Variants in MOSPD1 observed in about 807,000 individuals in gnomAD.
MOSPD1 encodes the protein motile sperm domain containing 1, also known as motile sperm domain-containing protein 1.
Under a neutral mutation model 16.7 loss-of-function variants are expected in MOSPD1, and 5 were observed. The observed-to-expected ratio is 0.30, with a 90% CI of 0.16 to 0.63. The LOEUF is 0.63. MOSPD1 is among the 30% of genes least tolerant of loss of function. MOSPD1 has a pLI of 0.82. For synonymous variants in MOSPD1, 67 were observed against 59.2 expected, an observed-to-expected ratio of 1.13 and a Z score of -0.61; for missense variants, 104 against 153.6, an observed-to-expected ratio of 0.68 and a Z score of 1.71.
rs762360637 is a variant in MOSPD1, at chrX:134,896,640, A to G, written c.448+177T>C. 86 of 435,914 alleles carry G rather than the reference A, an allele frequency of 2.0e-4. 1 individual carries two copies. The highest frequency in any genetic ancestry group is 3.1e-4 in the Non-Finnish European group (77 of 250,851). 35.9% of individuals were successfully genotyped at this position (435,914 alleles called of 1,213,427 possible). On this transcript the variant is annotated intron_variant, in intron 4 of 5. Coordinates refer to ENST00000370783, the MANE Select transcript of MOSPD1 (RefSeq NM_019556.3). Reference sequence around the variant, plus strand: ...GGGGTATTCCCTCCTCTCAAAGTCCACCTCCAGGCTTCTTGTTCTACTTCA... The same window carrying G: ...GGGGTATTCCCTCCTCTCAAAGTCCGCCTCCAGGCTTCTTGTTCTACTTCA...
At chrX:134,902,751 G>A (rs1191940094) in intron 1 of MOSPD1, among the ~76,000 whole-genome samples, 2 of 107,126 alleles carry the variant, frequency 1.9e-5, no homozygotes, top group African/African-American at 6.8e-5. Context: ...CCATGACCAC[G>A]CCACTGCACT....
intron 1 of MOSPD1, among the ~76,000 whole-genome samples, chrX:134,903,720 A>G (rs1201000032): frequency 3.7e-5 from 4 of 106,924 alleles, no homozygotes. Flanking sequence ...TCAAAAAAAA[A>G]AAAAAAAAAG....
At position 134,891,541 on chromosome X, in the gene MOSPD1, G is replaced by A. The variant is rs757713527; in HGVS notation, c.548C>T (p.Ser183Leu). 2.3e-5 allele frequency: 28 copies of A among 1,209,072 alleles called. No individual in the cohort carries two copies. Among genetic ancestry groups the A allele is most frequent in the Non-Finnish European group, 2.9e-5 (26 of 894,792 alleles). Residue 183 changes from serine (S) to leucine (L), a missense_variant, in exon 5 of 6, where the codon TCG (serine) becomes TTG (leucine). Transcript: ENST00000370783. ...TAAGTGGAGGTAGAGAGGCACCAGC[G>A]ATTCCACATCCCCCAGTGTAGGCAG... ...LMLPTLGDVE[S>L]LVPLYLHLSV...
intron 1 of MOSPD1, among the ~76,000 whole-genome samples, chrX:134,906,174 CTTT>C (rs765109385): frequency 6.0e-4 from 34 of 56,648 alleles, no homozygotes; most frequent in African/African-American, 2.7e-3. Context: ...CCATTTATCA[CTTT>C]TTTTTTTTTT....
intron 1 of MOSPD1, among the ~76,000 whole-genome samples, chrX:134,904,840 A>G (rs2148397959): frequency 9.4e-6 from 1 of 106,275 alleles, no homozygotes; most frequent in South Asian, 4.3e-4. Flanking sequence ...CCAACCTGGG[A>G]GACAGAGTGA....
intron 1 of MOSPD1, among the ~76,000 whole-genome samples, chrX:134,907,613 T>C (rs12395312): frequency 0.46 from 50,963 of 111,493 alleles, 9,631 homozygotes; most frequent in African/African-American, 0.74. Context: ...GCCTGTAATC[T>C]CAGCACTTTG....
intron 4 of MOSPD1, 37 bp downstream of exon 4, chrX:134,896,780 A>C: frequency 4.9e-6 from 5 of 1,022,347 alleles, no homozygotes; most frequent in Non-Finnish European, 6.9e-6. Flanking sequence ...ATAATGTGTA[A>C]GACCTCAAAA....
In MOSPD1 at chrX:134,894,232, T is replaced by C. The variant is rs188734034; in HGVS notation, c.448+2585A>G. 3.8e-3 allele frequency among the ~76,000 whole-genome samples: 428 copies of C among 112,177 alleles called. 4 individuals carry two copies. Among genetic ancestry groups the C allele is most frequent in the Non-Finnish European group, 6.0e-3 (321 of 53,260 alleles). ...CATTTTCTTATGTTATTGCTATATG[T>C]GTTTTATACAATAAACTTAAATTTT... On this transcript the variant is annotated intron_variant, in intron 4 of 5. Coordinates refer to ENST00000370783, the MANE Select transcript of MOSPD1 (RefSeq NM_019556.3).
At chrX:134,909,140 G>A (rs1000742576) in intron 1 of MOSPD1, among the ~76,000 whole-genome samples, 7 of 109,645 alleles carry the variant, frequency 6.4e-5, no homozygotes, top group African/African-American at 2.3e-4. Flanking sequence ...GAGTAGTGGC[G>A]GGTGCCTGTA....
chrX:134,913,147 G>GA (rs1353019265), intron 1 of MOSPD1, among the ~76,000 whole-genome samples: 1 of 110,788 alleles, frequency 9.0e-6, no homozygotes, highest in East Asian at 2.8e-4. Context: ...ACCGAGGGGG[G>GA]GCAGATCACT....
intron 4 of MOSPD1, among the ~76,000 whole-genome samples, chrX:134,896,352 ATT>A (rs5903886): frequency 9.5e-6 from 1 of 104,766 alleles, no homozygotes; most frequent in East Asian, 3.0e-4. Context: ...CTTTAATGAG[ATT>A]TTTTTTTTTT....
At chrX:134,901,478 C>T (rs368543935) in intron 1 of MOSPD1, among the ~76,000 whole-genome samples, 22 of 110,292 alleles carry the variant, frequency 2.0e-4, no homozygotes, top group African/African-American at 7.2e-4. Flanking sequence ...GTGAAGCCCC[C>T]GTCTCTACTA....
chrX:134,914,440 GC>G (rs1415219528), intron 1 of MOSPD1, among the ~76,000 whole-genome samples: 2 of 111,190 alleles, frequency 1.8e-5, no homozygotes, highest in Non-Finnish European at 3.8e-5. Flanking sequence ...AGCCTTCCCA[GC>G]CCACGTCCCC....
chrX:134,897,668 C>T (rs1260639930), intron 3 of MOSPD1, among the ~76,000 whole-genome samples: 9 of 107,660 alleles, frequency 8.4e-5, no homozygotes, highest in Admixed American at 8.1e-4. Flanking sequence ...ATTGTTTATT[C>T]CCCACAAACA....
intron 4 of MOSPD1, among the ~76,000 whole-genome samples, chrX:134,895,715 T>C (rs1052494214): frequency 2.7e-5 from 3 of 111,873 alleles, no homozygotes; most frequent in Non-Finnish European, 5.6e-5. Flanking sequence ...GAAAAGCTGG[T>C]CCTGTCAGTT....
At position 134,891,552 on chromosome X, in the gene MOSPD1, C is replaced by G; in HGVS notation, c.537G>C (p.Gly179=). 1.7e-6 allele frequency: 2 copies of G among 1,211,252 alleles called. No homozygotes were observed. Among genetic ancestry groups the G allele is most frequent in the Non-Finnish European group, 2.2e-6 (2 of 895,110 alleles). Residue 179 remains glycine (G), a synonymous_variant, in exon 5 of 6, where the codon GGG becomes GGC. Coordinates refer to ENST00000370783, the MANE Select transcript of MOSPD1 (RefSeq NM_019556.3). ...AGAGAGGCACCAGCGATTCCACATC[C>G]CCCAGTGTAGGCAGCATCAGGGCTG... is the stretch of plus-strand genomic sequence containing the variant. The part of the protein sequence containing the change: ...CIAALMLPTL[G]DVESLVPLYL...
intron 1 of MOSPD1, among the ~76,000 whole-genome samples, chrX:134,904,589 A>AG (rs1168532040): frequency 3.6e-5 from 4 of 111,435 alleles, no homozygotes; most frequent in African/African-American, 1.3e-4. Context: ...AAGCCAGGGG[A>AG]GGTGGCTCAC....
In MOSPD1 at chrX:134,899,076, T is replaced by C. The variant is rs778691130; in HGVS notation, c.230+14A>G. On this transcript the variant is annotated intron_variant, in intron 3 of 5. Transcript: ENST00000370783. ...ACACTTAAAACGTGTTACCAGGAAT[T>C]GATCTTGACTTACATATCCACACAA... The C allele has an allele frequency of 3.5e-6, 4 of 1,152,761 alleles. No individual in the cohort carries two copies. The South Asian group carries it at 5.7e-5, about 17-fold the overall frequency.
At chrX:134,889,268 A>C in intron 5 of MOSPD1, 76 bp from the exon 6 acceptor site, 1 of 795,405 alleles carries the variant, frequency 1.3e-6, no homozygotes, top group Admixed American at 2.9e-5. Flanking sequence ...AATTGTTTGG[A>C]CCTCAATGAA....
Sources: allele counts gnomAD v4.1 joint callset (sites outside exome capture counted in the v4.1 genomes callset), GRCh38; gene constraint gnomAD v4.1.1; transcripts MANE v1.5; gene names NCBI Gene and HGNC (gene_info 2026-07-23, HGNC 2026-07-21).